The following INTS4 variants were observed in gnomAD, a reference collection of about 807,000 sequenced individuals.
INTS4 encodes the protein MSTP093.
INTS4 carries 70 observed loss-of-function variants against 119.5 expected under a neutral mutation model. The ratio of observed to expected loss-of-function variants is 0.59; its 90% CI spans 0.48 to 0.71. INTS4 has a LOEUF of 0.71. Ranked by LOEUF, INTS4 falls within the 30% of genes least tolerant of loss-of-function variation. The probability of loss-of-function intolerance (pLI) is 0.00; values close to 1 mark genes in which losing one functional copy is unlikely to be tolerated. For synonymous variants in INTS4, 316 were observed against 419.6 expected (o/e 0.75, Z 3.02); for missense variants, 867 against 1,173.2 (o/e 0.74, Z 3.81).
chr11:77,900,683 A>G (rs536302444), intron 18 of INTS4: 87 of 685,916 alleles, frequency 1.3e-4, no homozygotes, highest in Non-Finnish European at 2.0e-4. Context: ...ATTTTATGAA[A>G]TAGTAAGAAA....
chr11:77,903,724 T>C (rs2276349), intron 16 of INTS4, 104 bp from the exon 17 acceptor site: 1 of 757,258 alleles, frequency 1.3e-6, no homozygotes. Flanking sequence ...CCCATGAACA[T>C]GACTTCTCAA....
intron 15 of INTS4, among the ~76,000 whole-genome samples, chr11:77,912,959 A>C (rs948128161): frequency 6.6e-6 from 1 of 152,236 alleles, no homozygotes; most frequent in African/African-American, 2.4e-5. Flanking sequence ...ATTTCTTTCT[A>C]TCTCTGATAA....
rs11370501 is a variant in INTS4, at chr11:77,961,143, T to TAAAAAAAAAAA, written c.472-16_472-6dup. The TAAAAAAAAAAA allele has an allele frequency of 8.2e-6, 10 of 1,216,678 alleles. No individual in the cohort carries two copies. Among genetic ancestry groups the TAAAAAAAAAAA allele is most frequent in the South Asian group, 5.4e-5 (2 of 36,754 alleles). 75.4% of individuals were successfully genotyped at this position (1,216,678 alleles called of 1,614,324 possible). ...ATGAGACGTATCTGTCAGATGCTAT[T>TAAAAAAAAAAA]AAAAAAAAAAAAAAAAAGAAAAAAA... On this transcript the variant is annotated splice_region_variant and splice_polypyrimidine_tract_variant and intron_variant, in intron 4 of 22. Transcript: ENST00000534064.
rs550429575 is a variant in INTS4, at chr11:77,926,520, A to G, written c.1372-1628T>C. 1.4e-4 allele frequency among the ~76,000 whole-genome samples: 21 copies of G among 152,254 alleles called. No individual in the cohort carries two copies. The South Asian group carries it at 3.9e-3, about 29-fold the overall frequency. ...CAAGACATTGGTAATAAAAAAATGAAGAGTCAGCCGGGCACGGTGGCTCAC... is the reference window on the plus strand; with the variant it reads ...CAAGACATTGGTAATAAAAAAATGAGGAGTCAGCCGGGCACGGTGGCTCAC... On this transcript the variant is annotated intron_variant, in intron 11 of 22. Coordinates refer to ENST00000534064, the MANE Select transcript of INTS4 (RefSeq NM_033547.4).
intron 8 of INTS4, among the ~76,000 whole-genome samples, chr11:77,951,866 C>T (rs1175838447): frequency 6.6e-6 from 1 of 152,202 alleles, no homozygotes; most frequent in African/African-American, 2.4e-5. Context: ...TATGAGCAGA[C>T]ACTTCTCAAA....
chr11:77,892,236 G>A (rs990497181), intron 19 of INTS4, among the ~76,000 whole-genome samples: 9 of 152,146 alleles, frequency 5.9e-5, no homozygotes, highest in African/African-American at 1.7e-4. Flanking sequence ...AGAAAAAAAC[G>A]ATTGCTTCAA....
At chr11:77,968,243 G>A (rs1855576405) in intron 4 of INTS4, among the ~76,000 whole-genome samples, 1 of 152,082 alleles carries the variant, frequency 6.6e-6, no homozygotes, top group African/African-American at 2.4e-5. Flanking sequence ...AAATACATAT[G>A]AAACATTTAC....
intron 12 of INTS4, among the ~76,000 whole-genome samples, chr11:77,923,921 G>C (rs1591062280): frequency 6.6e-6 from 1 of 150,582 alleles, no homozygotes; most frequent in African/African-American, 2.4e-5. Context: ...TGTGCCACTA[G>C]GCCCGGCAGA....
chr11:77,966,730 G>C (rs1283933379), intron 4 of INTS4, among the ~76,000 whole-genome samples: 3 of 152,028 alleles, frequency 2.0e-5, no homozygotes, highest in Non-Finnish European at 2.9e-5. Flanking sequence ...CTCTGGCTTT[G>C]TTCTTTTTGT....
chr11:77,993,692 T>C (rs1856788459), intron 1 of INTS4, among the ~76,000 whole-genome samples: 1 of 152,182 alleles, frequency 6.6e-6, no homozygotes, highest in Non-Finnish European at 1.5e-5. Flanking sequence ...CATGTAATGT[T>C]TAAGGATCAG....
At position 77,954,445 on chromosome 11, in the gene INTS4, C is replaced by G. The variant is rs191184153; in HGVS notation, c.918+1497G>C. Among the ~76,000 whole-genome samples the G allele has an allele frequency of 5.7e-3, 867 of 152,158 alleles. 5 individuals are homozygous for G. The highest frequency in any genetic ancestry group is 0.01 in the Non-Finnish European group (685 of 68,006). ...GATTATGGGCATGAGCCACCATGCC[C>G]CAACTGGATAATGGCATCTATCCTG... On this transcript the variant is annotated intron_variant, in intron 8 of 22. Transcript: ENST00000534064.
At chr11:77,987,605 T>C (rs6592756) in intron 2 of INTS4, 312,777 of 445,388 alleles carry the variant, frequency 0.7, 112,490 homozygotes, top group African/African-American at 0.9. Context: ...GTAGCTCACG[T>C]CTGTAATCCC....
intron 7 of INTS4, among the ~76,000 whole-genome samples, chr11:77,957,291 G>C (rs186657401): frequency 6.6e-6 from 1 of 152,204 alleles, no homozygotes; most frequent in Non-Finnish European, 1.5e-5. Context: ...AGCCAGGCGT[G>C]TAATCCCAGC....
At chr11:77,971,099 C>A (rs775967949) in intron 4 of INTS4, among the ~76,000 whole-genome samples, 3 of 151,858 alleles carry the variant, frequency 2.0e-5, no homozygotes, top group Non-Finnish European at 4.4e-5. Flanking sequence ...TGAGCCACAG[C>A]ACCCAGCTCA....
intron 9 of INTS4, among the ~76,000 whole-genome samples, chr11:77,939,652 T>C (rs1163783822): frequency 6.6e-6 from 1 of 151,820 alleles, no homozygotes; most frequent in Non-Finnish European, 1.5e-5. Context: ...CCGTTTTATA[T>C]ATCAGCCTCT....
chr11:77,898,232 C>T (rs1952616436), intron 18 of INTS4, among the ~76,000 whole-genome samples: 2 of 152,132 alleles, frequency 1.3e-5, no homozygotes, highest in African/African-American at 4.8e-5. Flanking sequence ...GGTGCGATCT[C>T]GGCTCACTGC....
chr11:77,949,609 T>G (rs1385414549), intron 8 of INTS4, among the ~76,000 whole-genome samples: 2 of 150,884 alleles, frequency 1.3e-5, no homozygotes, highest in Non-Finnish European at 2.9e-5. Context: ...AACAAACATA[T>G]GAAAGAAAGC....
intron 8 of INTS4, among the ~76,000 whole-genome samples, chr11:77,954,603 A>T (rs1269736434): frequency 6.6e-6 from 1 of 152,232 alleles, no homozygotes; most frequent in Non-Finnish European, 1.5e-5. Flanking sequence ...GTGGTGAAGC[A>T]GGGTAATTTT....
At chr11:77,990,686 CAAAAAAAA>C (rs781257703) in intron 2 of INTS4, among the ~76,000 whole-genome samples, 10 of 98,480 alleles carry the variant, frequency 1.0e-4, no homozygotes, top group African/African-American at 3.1e-4. Context: ...ACTCTGTCTC[CAAAAAAAA>C]AAAAAAAAAA....
Sources: gnomAD v4.1 joint callset for allele counts (sites outside exome capture counted in the v4.1 genomes callset) on GRCh38, gnomAD v4.1.1 for gene constraint, MANE v1.5 for transcripts, NCBI Gene and HGNC (gene_info 2026-07-23, HGNC 2026-07-21) for gene names.